The following TOGARAM1 variants were observed in gnomAD, a reference collection of about 807,000 sequenced individuals.
TOGARAM1 encodes the protein TOG array regulator of axonemal microtubules 1, also known as TOG array regulator of axonemal microtubules protein 1.
TOGARAM1 carries 100 observed loss-of-function variants against 166.6 expected under a neutral mutation model. That is an observed-to-expected ratio of 0.60 (90% CI 0.51 to 0.71). The LOEUF is 0.71. TOGARAM1 is among the 30% of genes least tolerant of loss of function. The probability of loss-of-function intolerance (pLI) is 0.00; values close to 1 mark genes in which losing one functional copy is unlikely to be tolerated. For missense variants in TOGARAM1, 2,029 were observed against 2,102.7 expected, an observed-to-expected ratio of 0.96 and a Z score of 0.69; for synonymous variants, 758 against 763.8, an observed-to-expected ratio of 0.99 and a Z score of 0.13.
intron 16 of TOGARAM1, among the ~76,000 whole-genome samples, chr14:45,059,666 A>C (rs546688425): frequency 6.9e-6 from 1 of 145,092 alleles, no homozygotes; most frequent in African/African-American, 2.9e-5. Context: ...AAAAAAAACA[A>C]AACAAAACAA....
chr14:45,002,666 A>G (rs1200717137), intron 3 of TOGARAM1, among the ~76,000 whole-genome samples: 1 of 152,144 alleles, frequency 6.6e-6, no homozygotes, highest in Non-Finnish European at 1.5e-5. Flanking sequence ...AGGATGTTTG[A>G]TTTCTTCATA....
chr14:45,000,748 T>A, intron 3 of TOGARAM1, among the ~76,000 whole-genome samples: 1 of 152,262 alleles, frequency 6.6e-6, no homozygotes, highest in Non-Finnish European at 1.5e-5. Context: ...ATGGTAGTTG[T>A]ATTTTTAGTT....
At chr14:45,015,859 G>A (rs1337887289) in intron 7 of TOGARAM1, among the ~76,000 whole-genome samples, 1 of 152,106 alleles carries the variant, frequency 6.6e-6, no homozygotes, top group Non-Finnish European at 1.5e-5. Flanking sequence ...AGCCAGTACA[G>A]AAGGTTAAAT....
chr14:45,038,830 G>A (rs972982227), intron 11 of TOGARAM1, among the ~76,000 whole-genome samples: 6 of 152,190 alleles, frequency 3.9e-5, no homozygotes, highest in African/African-American at 1.4e-4. Flanking sequence ...GAAGAATTAG[G>A]TATGTGGACA....
intron 1 of TOGARAM1, among the ~76,000 whole-genome samples, chr14:44,984,712 G>A (rs1886700141): frequency 6.6e-6 from 1 of 151,738 alleles, no homozygotes; most frequent in South Asian, 2.1e-4. Context: ...GAGTTCAGGT[G>A]TGCAGTGAGC....
intron 1 of TOGARAM1, among the ~76,000 whole-genome samples, chr14:44,986,248 T>A (rs1219900939): frequency 1.3e-5 from 2 of 152,202 alleles, no homozygotes; most frequent in African/African-American, 4.8e-5. Context: ...TAAGCAAGTA[T>A]AATTTGTCCA....
At chr14:45,046,481 C>T (rs1882072449) in intron 13 of TOGARAM1, 64 bp from the exon 14 acceptor site, 2 of 1,230,242 alleles carry the variant, frequency 1.6e-6, no homozygotes, top group South Asian at 4.0e-5. Flanking sequence ...ACCCATAGAT[C>T]CATAGATCTT....
Position 45,044,624 on chromosome 14 carries a change from T to A in TOGARAM1, c.3919-11T>A, listed in dbSNP as rs776585391. ...ATATCAGCAAAATGTACATTTTGAA[T>A]TTTTTTTTAGGTGAAAAATTTACGT... On this transcript the variant is annotated splice_polypyrimidine_tract_variant and intron_variant, in intron 12 of 19. Coordinates refer to ENST00000361462, the MANE Select transcript of TOGARAM1 (RefSeq NM_001308120.2). 1.1e-5 allele frequency: 15 copies of A among 1,418,482 alleles called. No individual in the cohort carries two copies. Among genetic ancestry groups the A allele is most frequent in the African/African-American group, 1.4e-5 (1 of 69,432 alleles). The allele number at this position is 1,418,482 out of a possible 1,614,324, so 87.9% of individuals were successfully genotyped here.
intron 1 of TOGARAM1, among the ~76,000 whole-genome samples, chr14:44,968,491 G>A (rs1336139357): frequency 6.6e-5 from 10 of 152,256 alleles, no homozygotes; most frequent in East Asian, 3.9e-4. Context: ...CTCGTGATCT[G>A]CCCGCCTCGG....
intron 1 of TOGARAM1, among the ~76,000 whole-genome samples, chr14:44,982,935 C>G (rs994804454): frequency 1.3e-5 from 2 of 152,048 alleles, no homozygotes; most frequent in Admixed American, 1.3e-4. Context: ...CAAATATCAA[C>G]AAATACCTGT....
intron 14 of TOGARAM1, among the ~76,000 whole-genome samples, chr14:45,048,065 A>C (rs1218431752): frequency 6.8e-6 from 1 of 147,584 alleles, no homozygotes; most frequent in Non-Finnish European, 1.5e-5. Context: ...CAAAAAAAAA[A>C]AAAAAAGGCT....
At chr14:44,975,091 A>G (rs185136888) in intron 1 of TOGARAM1, among the ~76,000 whole-genome samples, 5 of 152,298 alleles carry the variant, frequency 3.3e-5, no homozygotes, top group Admixed American at 2.6e-4. Flanking sequence ...TATTTTTTAT[A>G]TACCAGAAAG....
intron 16 of TOGARAM1, among the ~76,000 whole-genome samples, chr14:45,060,907 A>C (rs548169084): frequency 6.6e-6 from 1 of 152,086 alleles, no homozygotes; most frequent in African/African-American, 2.4e-5. Context: ...GCACTGTACT[A>C]TTTTTCCATT....
At position 45,003,286 on chromosome 14, in the gene TOGARAM1, G is replaced by A. The variant is rs187753098; in HGVS notation, c.2339-775G>A. On this transcript the variant is annotated intron_variant, in intron 3 of 19. Transcript: ENST00000361462. The stretch of plus-strand genomic sequence containing the variant: ...TACGTACGCTAGGTATTTTGTCACG[G>A]AAAACATTTTTTAAAATATTAAAGG... Among the ~76,000 whole-genome samples the A allele has an allele frequency of 2.0e-3, 303 of 151,584 alleles. 2 individuals carry two copies. Among genetic ancestry groups the A allele is most frequent in the African/African-American group, 6.4e-3 (265 of 41,136 alleles).
At chr14:45,071,604 A>G in intron 18 of TOGARAM1, 108 bp from the exon 19 acceptor site, 5 of 659,228 alleles carry the variant, frequency 7.6e-6, no homozygotes, top group Non-Finnish European at 1.3e-5. Context: ...AGTGTTATAC[A>G]TTTGCATCCT....
At chr14:45,070,286 A>T (rs994382385) in intron 18 of TOGARAM1, among the ~76,000 whole-genome samples, 37 of 152,228 alleles carry the variant, frequency 2.4e-4, no homozygotes, top group African/African-American at 7.5e-4. Flanking sequence ...AGTATTTTTC[A>T]TCAGGTTTAC....
chr14:45,027,425 C>T lies in TOGARAM1; in HGVS notation c.3455C>T (p.Ser1152Leu). Reference protein sequence around the residue: ...IEPPSGIYGRSVQQNISSYLD... With the variant: ...IEPPSGIYGRLVQQNISSYLD... ...CCACCATCAGGGATTTATGGAAGAT[C>T]AGTCCAGCAAAATATTTCATCATAT... Residue 1152 changes from serine (S) to leucine (L), a missense_variant, in exon 9 of 20, where the codon TCA becomes TTA. By Grantham distance (145) the Ser-to-Leu change is moderately radical (BLOSUM62 -2). Coordinates refer to ENST00000361462, the MANE Select transcript of TOGARAM1 (RefSeq NM_001308120.2). 6.2e-7 allele frequency: 1 copy of T among 1,612,946 alleles called. No homozygotes were observed. Among genetic ancestry groups the T allele is most frequent in the Non-Finnish European group, 8.5e-7 (1 of 1,179,564 alleles).
chr14:45,037,556 T>C (rs1265566957), intron 11 of TOGARAM1, among the ~76,000 whole-genome samples: 1 of 152,172 alleles, frequency 6.6e-6, no homozygotes, highest in Non-Finnish European at 1.5e-5. Flanking sequence ...ATTTTATAGT[T>C]ATAAAGGAAT....
At chr14:45,017,406 A>AACACACACACACACACAC (rs113544622) in intron 7 of TOGARAM1, among the ~76,000 whole-genome samples, 1 of 145,136 alleles carries the variant, frequency 6.9e-6, no homozygotes, top group African/African-American at 2.5e-5. Context: ...ATGCACACAA[A>AACACACACACACACACAC]ACACACACAC....
Sources: allele counts gnomAD v4.1 joint callset (sites outside exome capture counted in the v4.1 genomes callset), GRCh38; gene constraint gnomAD v4.1.1; transcripts MANE v1.5; gene names NCBI Gene and HGNC (gene_info 2026-07-23, HGNC 2026-07-21).